Variants in ASCC1 observed in about 807,000 individuals in gnomAD.
ASCC1 encodes the protein activating signal cointegrator 1 complex subunit 1.
Under a neutral mutation model 46.6 loss-of-function variants are expected in ASCC1, and 35 were observed. That is an observed-to-expected ratio of 0.75 (90% confidence interval 0.57 to 0.99). The LOEUF is 0.99. ASCC1 is among the 50% of genes least tolerant of loss of function. The pLI is 0.00. For synonymous variants in ASCC1, 143 were observed against 146.6 expected, an observed-to-expected ratio of 0.98 and a Z score of 0.18; for missense variants, 376 against 428.7, an observed-to-expected ratio of 0.88 and a Z score of 1.09.
At chr10:72,171,125 C>T (rs754093986) in intron 5 of ASCC1, among the ~76,000 whole-genome samples, 8 of 152,172 alleles carry the variant, frequency 5.3e-5, no homozygotes, top group Non-Finnish European at 7.4e-5. Flanking sequence ...GGATACTATT[C>T]TTTTCTTCAA....
chr10:72,167,368 A>G (rs1290523835), intron 5 of ASCC1, among the ~76,000 whole-genome samples: 1 of 152,264 alleles, frequency 6.6e-6, no homozygotes, highest in Admixed American at 6.5e-5. Flanking sequence ...ACTACGTATT[A>G]TATGATTCTA....
At chr10:72,172,190 C>T (rs1212497598) in intron 5 of ASCC1, among the ~76,000 whole-genome samples, 3 of 151,664 alleles carry the variant, frequency 2.0e-5, no homozygotes, top group East Asian at 3.9e-4. Flanking sequence ...CCGAGGCGGG[C>T]GGATCACGAG....
At chr10:72,172,928 ATATATTTTATATTATATAT>A (rs1396319105) in intron 5 of ASCC1, among the ~76,000 whole-genome samples, 5 of 133,966 alleles carry the variant, frequency 3.7e-5, no homozygotes, top group African/African-American at 1.1e-4. Context: ...ATTATATATT[ATATATTTTATATTATATAT>A]TATATTTTAT....
At chr10:72,122,090 AAGAT>A (rs1331506518) in intron 9 of ASCC1, among the ~76,000 whole-genome samples, 3 of 152,216 alleles carry the variant, frequency 2.0e-5, no homozygotes, top group African/African-American at 7.2e-5. Context: ...AGTGATAACA[AAGAT>A]AGCAGGAAAA....
chr10:72,185,735 G>A (rs1853359341), intron 5 of ASCC1, among the ~76,000 whole-genome samples: 1 of 152,076 alleles, frequency 6.6e-6, no homozygotes, highest in African/African-American at 2.4e-5. Flanking sequence ...TGTTTGTGAT[G>A]GTTGTTACAC....
chr10:72,177,777 G>A (rs1321254019), intron 5 of ASCC1, among the ~76,000 whole-genome samples: 2 of 152,214 alleles, frequency 1.3e-5, no homozygotes, highest in South Asian at 2.1e-4. Flanking sequence ...TGCAGGCAAT[G>A]AGACATCTTT....
intron 5 of ASCC1, among the ~76,000 whole-genome samples, chr10:72,180,354 G>T (rs540395883): frequency 1.4e-4 from 21 of 151,984 alleles, no homozygotes; most frequent in Non-Finnish European, 2.8e-4. Flanking sequence ...ACCCAGGCAC[G>T]GTGGATCACA....
rs998531644 is a variant in ASCC1, at chr10:72,208,298, C to T, written c.212+2434G>A. ...ACACCTTAGCAACAGCAGATTCACA[C>T]CAAGACCTGTTACACTGATTTTTTT... On this transcript the variant is annotated intron_variant, in intron 3 of 9. Transcript: ENST00000672957. Among the ~76,000 whole-genome samples, 3 of 150,696 alleles carry T rather than the reference C, an allele frequency of 2.0e-5. No individual in the cohort carries two copies. In the East Asian group the frequency reaches 5.8e-4, roughly 29 times the overall value.
chr10:72,107,018 T>C (rs941293129), intron 9 of ASCC1, among the ~76,000 whole-genome samples: 2 of 152,140 alleles, frequency 1.3e-5, no homozygotes, highest in Non-Finnish European at 2.9e-5. Flanking sequence ...GCAAATGATG[T>C]GAAAAGCTAT....
chr10:72,144,301 CTGATAT>C (rs1378851025), intron 7 of ASCC1, among the ~76,000 whole-genome samples: 1 of 152,138 alleles, frequency 6.6e-6, no homozygotes, highest in Non-Finnish European at 1.5e-5. Context: ...TTTATCATGT[CTGATAT>C]TAATTCAGTT....
At chr10:72,181,375 A>T (rs938634481) in intron 5 of ASCC1, among the ~76,000 whole-genome samples, 4 of 152,198 alleles carry the variant, frequency 2.6e-5, no homozygotes, top group African/African-American at 9.7e-5. Context: ...GCTTGGACTA[A>T]CAGACAAGTT....
intron 6 of ASCC1, among the ~76,000 whole-genome samples, chr10:72,155,558 C>T (rs185399530): frequency 1.7e-4 from 26 of 152,294 alleles, no homozygotes; most frequent in African/African-American, 5.5e-4. Context: ...AAGTAAATTA[C>T]ACCTCAAAGG....
chr10:72,127,857 G>C lies in ASCC1; in HGVS notation c.957+225C>G, dbSNP rs751207. Among the ~76,000 whole-genome samples, 3,839 of 151,510 alleles carry C rather than the reference G, an allele frequency of 0.025. 187 individuals carry two copies. The highest frequency in any genetic ancestry group is 0.089 in the African/African-American group (3,659 of 41,288). ...AGCAACAGAGCGAGACACTGTCTCA[G>C]ATAAACAAATAAACAAACAAACCAC... On this transcript the variant is annotated intron_variant, in intron 9 of 9. Transcript: ENST00000672957.
At chr10:72,161,003 A>G (rs1173403449) in intron 6 of ASCC1, among the ~76,000 whole-genome samples, 1 of 152,052 alleles carries the variant, frequency 6.6e-6, no homozygotes, top group African/African-American at 2.4e-5. Flanking sequence ...GAATGGCGAG[A>G]ACCCAGCAGG....
intron 7 of ASCC1, among the ~76,000 whole-genome samples, chr10:72,145,756 T>C (rs768289434): frequency 2.0e-5 from 3 of 152,200 alleles, no homozygotes; most frequent in Non-Finnish European, 2.9e-5. Flanking sequence ...TTTTCCCCAC[T>C]TGTCTGTAAA....
rs528676324 is a variant in ASCC1 at position 72,119,622 on chromosome 10, G to A, written c.957+8460C>T. On this transcript the variant is annotated intron_variant, in intron 9 of 9. Coordinates refer to ENST00000672957, the MANE Select transcript of ASCC1 (RefSeq NM_001198800.3). ...CAGAATTACAGAACACTTCCCCTCC[G>A]TCCAACCTTACCATCACACAACAGT... is the stretch of plus-strand genomic sequence containing the variant. 4.6e-5 allele frequency among the ~76,000 whole-genome samples: 7 copies of A among 151,844 alleles called. No homozygotes were observed. In the South Asian group the frequency reaches 1.2e-3, roughly 27 times the overall value.
intron 5 of ASCC1, among the ~76,000 whole-genome samples, chr10:72,191,837 G>C (rs910557602): frequency 6.6e-6 from 1 of 151,612 alleles, no homozygotes; most frequent in Admixed American, 6.6e-5. Context: ...TAGTAGAGAC[G>C]GGGCTTCACC....
At position 72,128,207 on chromosome 10, in the gene ASCC1, A is replaced by ATTGGTTG. The variant is rs757163729; in HGVS notation, c.872-47_872-41dup. ...AAGATAATGTTAGAAGCTTAGATTGATTGGTTGTTTTCTCTTGGATTTCTA... is the reference window on the plus strand; with the variant it reads ...AAGATAATGTTAGAAGCTTAGATTGATTGGTTGTTGGTTGTTTTCTCTTGGATTTCTA... On this transcript the variant is annotated intron_variant, in intron 8 of 9. Coordinates refer to ENST00000672957, the MANE Select transcript of ASCC1 (RefSeq NM_001198800.3). 4 of 1,564,780 alleles carry ATTGGTTG rather than the reference A, an allele frequency of 2.6e-6. No homozygotes were observed. The African/African-American group carries it at 5.4e-5, about 21-fold the overall frequency.
At chr10:72,125,399 G>A (rs1844742552) in intron 9 of ASCC1, among the ~76,000 whole-genome samples, 1 of 152,098 alleles carries the variant, frequency 6.6e-6, no homozygotes, top group African/African-American at 2.4e-5. Context: ...TCTTGTTAGT[G>A]AAATTGATTT....
Sources: gnomAD v4.1 joint callset for allele counts (sites outside exome capture counted in the v4.1 genomes callset) on GRCh38, gnomAD v4.1.1 for gene constraint, MANE v1.5 for transcripts, NCBI Gene and HGNC (gene_info 2026-07-23, HGNC 2026-07-21) for gene names.